RGL3: variants seen among roughly 807,000 people sequenced by gnomAD.
RGL3 encodes the protein ral guanine nucleotide dissociation stimulator-like 3.
A neutral mutation model predicts 90.6 loss-of-function variants in RGL3; 85 were observed. The observed-to-expected ratio is 0.94, with a 90% CI of 0.79 to 1.12. The LOEUF (loss-of-function observed/expected upper bound fraction) is 1.12, where lower values mean the gene tolerates loss of function less well. Among genes scored for constraint, RGL3 ranks in the 50% most tolerant of loss-of-function variants. RGL3 has a pLI of 0.00. For missense variants in RGL3, 1,034 were observed against 939.2 expected (o/e 1.10, Z -1.32); for synonymous variants, 408 against 385.5 (o/e 1.06, Z -0.68).
chr19:11,410,736 T>G (rs140305171), intron 5 of RGL3, among the ~76,000 whole-genome samples: 4,823 of 151,970 alleles, frequency 0.032, 95 homozygotes, highest in Non-Finnish European at 0.046. Flanking sequence ...GCCCTACATC[T>G]AATCAAACCT....
chr19:11,400,075 ACTAGGTGATGAG>A lies in RGL3; in HGVS notation c.1602_1613del (p.Ser535_Ser538del). The A allele has an allele frequency of 6.2e-7, 1 of 1,610,444 alleles. No individual in the cohort carries two copies. The highest frequency in any genetic ancestry group is 8.5e-7 in the Non-Finnish European group (1 of 1,178,680). ...GGGATGAGGGGTCCCCGGGACTCCC[ACTAGGTGATGAG>A]CTTTTCTCTCGGGCAAGCTTCCTAA... On this transcript the variant is annotated inframe_deletion, in exon 15 of 19. Transcript: ENST00000380456.
intron 11 of RGL3, 80 bp downstream of exon 11, chr19:11,402,375 A>C (rs1266377653): frequency 6.4e-7 from 1 of 1,566,322 alleles, no homozygotes; most frequent in Non-Finnish European, 8.7e-7. Context: ...TACAGGTAGG[A>C]TCAAGGGTGG....
chr19:11,405,967 C>A (rs1968770725), intron 7 of RGL3, among the ~76,000 whole-genome samples: 1 of 151,220 alleles, frequency 6.6e-6, no homozygotes, highest in Admixed American at 6.6e-5. Flanking sequence ...AGGGCTCAAG[C>A]GATCCTCCCT....
chr19:11,415,874 G>T, intron 5 of RGL3, 63 bp downstream of exon 5: 4 of 1,402,604 alleles, frequency 2.9e-6, no homozygotes, highest in Non-Finnish European at 3.9e-6. Flanking sequence ...GAGAAAGCCT[G>T]TGTGGGAAGA....
At chr19:11,418,867 A>AGTCCTCCTGCTGC in intron 1 of RGL3, 83 bp from the exon 2 acceptor site, 1 of 1,132,310 alleles carries the variant, frequency 8.8e-7, no homozygotes. Context: ...ACTCGGGCCG[A>AGTCCTCCTGCTGC]GTCCTCCTGC....
At chr19:11,410,093 A>G (rs1250750371) in intron 5 of RGL3, among the ~76,000 whole-genome samples, 1 of 151,242 alleles carries the variant, frequency 6.6e-6, no homozygotes, top group Non-Finnish European at 1.5e-5. Flanking sequence ...AGGTGCCACT[A>G]TGCCCAGCCA....
rs1968642841 is a variant in RGL3, at chr19:11,399,931, G to T, written c.1670C>A (p.Pro557His). 6.5e-7 allele frequency: 1 copy of T among 1,544,472 alleles called. No individual in the cohort carries two copies. ...PTSSVSPGSPPSSPRSRDAPA... is the reference protein window; with the variant it reads ...PTSSVSPGSPHSSPRSRDAPA... ...AGCATCTCTGCTTCTAGGACTTGAG[G>T]GGGGTGACCCTGGGGACACACTGGG... The change falls in exon 16 of 19, where the codon CCC (proline) becomes CAC (histidine). Residue 557 changes from proline to histidine, a missense_variant. Physicochemically the swap from Pro to His is moderately conservative, Grantham distance 77 (BLOSUM62 -2). Transcript: ENST00000380456.
intron 1 of RGL3, 76 bp downstream of exon 1, chr19:11,419,170 G>T: frequency 6.7e-7 from 1 of 1,502,932 alleles, no homozygotes. Context: ...GATACCGTCC[G>T]ACGGGCGGGC....
chr19:11,402,820 G>A, intron 9 of RGL3, 114 bp from the exon 10 acceptor site: 1 of 939,050 alleles, frequency 1.1e-6, no homozygotes, highest in South Asian at 1.6e-5. Flanking sequence ...TCAAAAGTCA[G>A]TGGTAGGCCA....
chr19:11,418,907 G>T, intron 1 of RGL3, 123 bp from the exon 2 acceptor site: 1 of 785,520 alleles, frequency 1.3e-6, no homozygotes, highest in Non-Finnish European at 2.0e-6. Context: ...CCGGCCAGAA[G>T]CTGCGAGACT....
chr19:11,403,317 G>T (rs1019000528), intron 9 of RGL3, among the ~76,000 whole-genome samples: 2 of 146,976 alleles, frequency 1.4e-5, no homozygotes, highest in African/African-American at 4.9e-5. Flanking sequence ...TTACAGGCGT[G>T]AGCCACCGTG....
At position 11,417,046 on chromosome 19, in the gene RGL3, A is replaced by G. The variant is rs1319174517; in HGVS notation, c.161T>C (p.Ile54Thr). ...TCGATAGTGGAGGAAGGTATTGGCA[A>G]TGGGGCTGGGAGCCTGCAGGAGGGG... ...GPGGSQAPSP[I>T]ANTFLHYRTS... The change falls in exon 3 of 19, where the codon ATT (isoleucine) becomes ACT (threonine). Residue 54 changes from isoleucine (I) to threonine (T), a missense_variant. Transcript: ENST00000380456. 1.2e-6 allele frequency: 2 copies of G among 1,603,416 alleles called. No individual in the cohort carries two copies. Among genetic ancestry groups the G allele is most frequent in the Non-Finnish European group, 8.5e-7 (1 of 1,174,258 alleles).
intron 5 of RGL3, among the ~76,000 whole-genome samples, chr19:11,413,285 C>CA (rs1313197548): frequency 1.3e-5 from 2 of 150,724 alleles, no homozygotes; most frequent in Admixed American, 6.6e-5. Flanking sequence ...CCTGTAATCC[C>CA]AGCACTTTGG....
chr19:11,416,084 CAGGGTGGTCTCGGAAATCCTG>C lies in RGL3; in HGVS notation c.469_489del (p.Gln157_Pro163del), dbSNP rs748261393. On this transcript the variant is annotated inframe_deletion, in exon 5 of 19. Transcript: ENST00000380456. The stretch of plus-strand genomic sequence containing the variant: ...CGGACACTGCCCAGGTCCGAATGGG[CAGGGTGGTCTCGGAAATCCTG>C]AGGGTGGTCCTGCAGCCAGGAGCCC... The C allele has an allele frequency of 9.3e-6, 15 of 1,609,916 alleles. No individual in the cohort carries two copies. Among genetic ancestry groups the C allele is most frequent in the Non-Finnish European group, 1.3e-5 (15 of 1,178,498 alleles).
intron 5 of RGL3, among the ~76,000 whole-genome samples, chr19:11,410,050 T>C (rs1265254888): frequency 6.6e-6 from 1 of 151,952 alleles, no homozygotes; most frequent in African/African-American, 2.4e-5. Context: ...GCAATTCTCC[T>C]GCCTCAGCCT....
Position 11,416,078 on chromosome 19 carries a change from A to G in RGL3, c.496T>C (p.Ser166Pro), listed in dbSNP as rs1968989765. ...PQDFRDHPAH[S>P]DLGSVRTFLG... is the part of the protein sequence containing the mutation. ...AAGGTTCGGACACTGCCCAGGTCCG[A>G]ATGGGCAGGGTGGTCTCGGAAATCC... The change falls in exon 5 of 19, where the codon TCG becomes CCG. Residue 166 changes from serine (S) to proline (P), a missense_variant. Coordinates refer to ENST00000380456, the MANE Select transcript of RGL3 (RefSeq NM_001035223.4). 1.2e-6 allele frequency: 2 copies of G among 1,611,524 alleles called. No individual in the cohort carries two copies. Among genetic ancestry groups the G allele is most frequent in the Admixed American group, 1.7e-5 (1 of 59,224 alleles).
Position 11,405,399 on chromosome 19 carries a change from A to T in RGL3, c.1024T>A (p.Ser342Thr), listed in dbSNP as rs758619300. ...QRCRELRNFS[S>T]LRAILSALQS... Reference sequence around the variant, plus strand: ...AGGGCGGACAGGATGGCGCGCAAGGAGGAGAAGTTCCGCAGTTCTCGGCAG... The same window carrying T: ...AGGGCGGACAGGATGGCGCGCAAGGTGGAGAAGTTCCGCAGTTCTCGGCAG... Residue 342 changes from serine to threonine, a missense_variant, in exon 8 of 19, where the codon TCC becomes ACC. Coordinates refer to ENST00000380456, the MANE Select transcript of RGL3 (RefSeq NM_001035223.4). 6 of 1,549,164 alleles carry T rather than the reference A, an allele frequency of 3.9e-6. No individual in the cohort carries two copies. In the East Asian group the frequency reaches 1.5e-4, roughly 38 times the overall value.
At chr19:11,402,734 T>G (rs1483467517) in intron 9 of RGL3, 28 bp from the exon 10 acceptor site, 2 of 1,602,048 alleles carry the variant, frequency 1.2e-6, no homozygotes, top group Admixed American at 3.4e-5. Context: ...CTGAGCCAGG[T>G]CTGGGGTCTC....
intron 13 of RGL3, among the ~76,000 whole-genome samples, chr19:11,401,555 C>T (rs1440111912): frequency 6.6e-6 from 1 of 151,898 alleles, no homozygotes; most frequent in Non-Finnish European, 1.5e-5. Context: ...GCCACTACAC[C>T]TGGCTAATTT....
Sources: gnomAD v4.1 joint callset for allele counts (sites outside exome capture counted in the v4.1 genomes callset) on GRCh38, gnomAD v4.1.1 for gene constraint, MANE v1.5 for transcripts, NCBI Gene and HGNC (gene_info 2026-07-23, HGNC 2026-07-21) for gene names.